The following THRB variants were observed in gnomAD, a reference collection of about 807,000 sequenced individuals.
THRB encodes thyroid hormone receptor beta.
THRB carries 12 observed loss-of-function variants against 47.8 expected under a neutral mutation model. That is an observed-to-expected ratio of 0.25 (90% CI 0.16 to 0.41). The LOEUF (loss-of-function observed/expected upper bound fraction) is 0.41. Among genes scored for constraint, THRB ranks in the 10% least tolerant of loss-of-function variants. The pLI, the probability that THRB is intolerant of heterozygous loss-of-function variation, is 1.00. For synonymous variants in THRB, 218 were observed against 212.2 expected (o/e 1.03, Z -0.24); for missense variants, 348 against 589.2 (o/e 0.59, Z 4.24).
At chr3:24,186,944 CAAAAAA>C (rs71057655) in intron 5 of THRB, among the ~76,000 whole-genome samples, 2 of 77,534 alleles carry the variant, frequency 2.6e-5, no homozygotes, top group East Asian at 4.0e-4. Flanking sequence ...GACTCCATTT[CAAAAAA>C]AAAAAAAAAA....
chr3:24,303,276 T>C (rs76899253), intron 2 of THRB, among the ~76,000 whole-genome samples: 1,604 of 152,316 alleles, frequency 0.011, 29 homozygotes, highest in African/African-American at 0.037. Flanking sequence ...CCCTCATATT[T>C]TGAGTCTAGG....
At chr3:24,213,721 C>G (rs1324022357) in intron 4 of THRB, among the ~76,000 whole-genome samples, 1 of 152,140 alleles carries the variant, frequency 6.6e-6, no homozygotes, top group Admixed American at 6.5e-5. Context: ...AGGATCAGGC[C>G]TGGAAAGTGC....
chr3:24,475,485 A>T (rs1267155290), intron 1 of THRB, among the ~76,000 whole-genome samples: 3 of 152,112 alleles, frequency 2.0e-5, no homozygotes, highest in Non-Finnish European at 4.4e-5. Flanking sequence ...TAATTTGTGT[A>T]TGTGTGTATA....
intron 1 of THRB, among the ~76,000 whole-genome samples, chr3:24,340,427 C>G (rs1396635037): frequency 1.3e-5 from 2 of 151,356 alleles, no homozygotes; most frequent in African/African-American, 4.9e-5. Context: ...TCTCTCATCT[C>G]TGGTTTTTCA....
chr3:24,493,742 T>A (rs1294291168), intron 1 of THRB, among the ~76,000 whole-genome samples: 1 of 152,292 alleles, frequency 6.6e-6, no homozygotes, highest in East Asian at 1.9e-4. Context: ...TTGGGGAAAC[T>A]TGTACATTTA....
At chr3:24,274,331 C>A (rs930615605) in intron 3 of THRB, among the ~76,000 whole-genome samples, 2 of 152,022 alleles carry the variant, frequency 1.3e-5, no homozygotes, top group Non-Finnish European at 2.9e-5. Flanking sequence ...AATTATAGAA[C>A]GTTCAGAACA....
chr3:24,178,232 A>G (rs2041430571), intron 5 of THRB, among the ~76,000 whole-genome samples: 1 of 152,214 alleles, frequency 6.6e-6, no homozygotes, highest in Non-Finnish European at 1.5e-5. Context: ...AAGATTGAAA[A>G]CTATTTCTGC....
intron 1 of THRB, among the ~76,000 whole-genome samples, chr3:24,341,427 G>A (rs1559973989): frequency 6.6e-6 from 1 of 151,636 alleles, no homozygotes; most frequent in South Asian, 2.1e-4. Flanking sequence ...ATGGGGTTTT[G>A]CCATGCATGT....
intron 1 of THRB, among the ~76,000 whole-genome samples, chr3:24,385,412 T>TAC (rs111954578): frequency 0.047 from 6,819 of 145,234 alleles, 279 homozygotes; most frequent in African/African-American, 0.12. Context: ...CACACACACA[T>TAC]ACACACACAC....
Position 24,190,164 on chromosome 3 carries a change from T to C in THRB, c.193A>G (p.Ser65Gly), listed in dbSNP as rs1260430863. 6.2e-7 allele frequency: 1 copy of C among 1,614,152 alleles called. No individual in the cohort carries two copies. Reference protein sequence around the residue: ...SPHLIQTTWTSSIFHLDHDDV... With the variant: ...SPHLIQTTWTGSIFHLDHDDV... ...TCATGGTCCAGATGGAATATTGAGC[T>C]AGTCCAAGTGGTCTGGATGAGATGT... is the stretch of plus-strand genomic sequence containing the variant. The change falls in exon 5 of 11, where the codon AGC becomes GGC. Residue 65 changes from serine to glycine, a missense_variant. By Grantham distance (56) the Ser-to-Gly change is moderately conservative. Around this residue, in one of 5 missense-constraint regions of THRB, gnomAD observed 148 missense variants for 122.3 expected, o/e 1.21. Transcript: ENST00000646209.
At chr3:24,400,426 A>C (rs966173995) in intron 1 of THRB, among the ~76,000 whole-genome samples, 1 of 152,108 alleles carries the variant, frequency 6.6e-6, no homozygotes, top group African/African-American at 2.4e-5. Context: ...TATGTGTACA[A>C]ATTTAGTACA....
intron 3 of THRB, among the ~76,000 whole-genome samples, chr3:24,279,540 A>G (rs1034127702): frequency 9.0e-5 from 13 of 144,776 alleles, no homozygotes; most frequent in African/African-American, 2.5e-4. Flanking sequence ...GCCCGCCACC[A>G]CGGCTGGCTA....
chr3:24,494,640 T>A lies in THRB; in HGVS notation c.-261+12A>T, dbSNP rs891229605. On this transcript the variant is annotated intron_variant, in intron 1 of 10. Transcript: ENST00000646209. ...GTGGACAGTTGGAACTGTCGCCCCC[T>A]CCTCCTCTCACCCCGCTGCCTCCGC... 1 of 137,764 alleles carries A rather than the reference T, an allele frequency of 7.3e-6. No homozygotes were observed. Among genetic ancestry groups the A allele is most frequent in the Non-Finnish European group, 1.6e-5 (1 of 64,370 alleles). 8.5% of individuals were successfully genotyped at this position (137,764 alleles called of 1,614,324 possible).
intron 1 of THRB, among the ~76,000 whole-genome samples, chr3:24,370,149 G>C (rs972812515): frequency 2.0e-5 from 3 of 152,086 alleles, no homozygotes; most frequent in African/African-American, 7.2e-5. Context: ...AGACTGCTTA[G>C]AACGGGGCAT....
intron 1 of THRB, among the ~76,000 whole-genome samples, chr3:24,381,077 T>G (rs1052441953): frequency 6.9e-6 from 1 of 145,984 alleles, no homozygotes; most frequent in Non-Finnish European, 1.5e-5. Flanking sequence ...ATCACGTCAC[T>G]GCATTCCAGC....
At chr3:24,361,697 T>C (rs1028917179) in intron 1 of THRB, among the ~76,000 whole-genome samples, 9 of 152,290 alleles carry the variant, frequency 5.9e-5, no homozygotes, top group East Asian at 3.9e-4. Flanking sequence ...TCTTCACCAC[T>C]AGTGGCTCCT....
chr3:24,204,151 A>C (rs2044978303), intron 4 of THRB, among the ~76,000 whole-genome samples: 1 of 152,226 alleles, frequency 6.6e-6, no homozygotes, highest in African/African-American at 2.4e-5. Context: ...CTTTGAAGAG[A>C]GTAGTGGTTC....
intron 1 of THRB, among the ~76,000 whole-genome samples, chr3:24,389,023 A>G (rs2066348206): frequency 6.6e-6 from 1 of 152,174 alleles, no homozygotes; most frequent in Admixed American, 6.5e-5. Context: ...ACTGAGTAGT[A>G]TCTATTCTTC....
At chr3:24,271,741 C>G (rs998617606) in intron 3 of THRB, among the ~76,000 whole-genome samples, 1 of 151,974 alleles carries the variant, frequency 6.6e-6, no homozygotes, top group African/African-American at 2.4e-5. Flanking sequence ...TCAGTATATA[C>G]TACATGTACT....
Sources: allele counts gnomAD v4.1 joint callset (sites outside exome capture counted in the v4.1 genomes callset), GRCh38; gene constraint gnomAD v4.1.1; regional missense constraint gnomAD v4.1.1; transcripts MANE v1.5; gene names NCBI Gene and HGNC (gene_info 2026-07-23, HGNC 2026-07-21).